ENTPD2: variants seen among roughly 807,000 people sequenced by gnomAD.
ENTPD2 encodes the protein ectonucleoside triphosphate diphosphohydrolase 2, also known as CD39 antigen-like 1.
Under a neutral mutation model 46.8 loss-of-function variants are expected in ENTPD2, and 48 were observed. The observed-to-expected ratio is 1.03, with a 90% CI of 0.81 to 1.30. The LOEUF is 1.30. ENTPD2 is among the 50% of genes most tolerant of loss of function. The probability of loss-of-function intolerance (pLI) is 0.00; values close to 1 mark genes in which losing one functional copy is unlikely to be tolerated. For missense variants in ENTPD2, 707 were observed against 651.1 expected, an observed-to-expected ratio of 1.09 and a Z score of -0.93; for synonymous variants, 316 against 286.1, an observed-to-expected ratio of 1.10 and a Z score of -1.06.
chr9:137,053,875 G>T lies in ENTPD2; in HGVS notation c.117+6C>A. The T allele has an allele frequency of 8.2e-7, 1 of 1,223,824 alleles. No homozygotes were observed. Among genetic ancestry groups the T allele is most frequent in the Non-Finnish European group, 1.0e-6 (1 of 982,258 alleles). The allele number at this position is 1,223,824 out of a possible 1,614,324, so 75.8% of individuals were successfully genotyped here. A position where few individuals can be genotyped will look rare whatever the true frequency, so the allele number is the denominator to read the frequency against. ...CCAGACGTGCGCTGGGTGCCCGGGC[G>T]CGCACCTTGAGGGCGGGCGGCTCCC... On this transcript the variant is annotated splice_donor_region_variant and intron_variant, in intron 1 of 8. Coordinates refer to ENST00000355097, the MANE Select transcript of ENTPD2 (RefSeq NM_203468.3).
Position 137,051,290 on chromosome 9 carries a change from C to T in ENTPD2, c.467G>A (p.Gly156Asp), listed in dbSNP as rs767588454. ...TTCCTGGCCCGAGAGGATGCGTGCA[C>T]CCCGGAAGTCAAAGGGGTACTGGGT... ...TLTQYPFDFR[G>D]ARILSGQEEG... is the part of the protein sequence containing the mutation. The change falls in exon 4 of 9, where the codon GGT becomes GAT. Residue 156 changes from glycine (G) to aspartate (D), a missense_variant. Gly to Asp is a moderately conservative substitution (Grantham distance 94). Transcript: ENST00000355097. 5 of 1,610,010 alleles carry T rather than the reference C, an allele frequency of 3.1e-6. No homozygotes were observed. The highest frequency in any genetic ancestry group is 4.2e-6 in the Non-Finnish European group (5 of 1,178,210).
At chr9:137,049,711 G>T (rs1203814089) in intron 7 of ENTPD2, 159 bp downstream of exon 7, 8 of 825,436 alleles carry the variant, frequency 9.7e-6, no homozygotes, top group African/African-American at 3.5e-5. Flanking sequence ...ACAGCCTACC[G>T]GCCACAGCCA....
At chr9:137,052,446 C>CA in intron 1 of ENTPD2, 98 bp from the exon 2 acceptor site, 1 of 877,118 alleles carries the variant, frequency 1.1e-6, no homozygotes, top group Admixed American at 2.3e-5. Flanking sequence ...GCCACCGCTC[C>CA]CCCCCCCACC....
rs770836776 is a variant in ENTPD2 at position 137,050,861 on chromosome 9, A to T, written c.774+41T>A. On this transcript the variant is annotated intron_variant, in intron 5 of 8. Coordinates refer to ENST00000355097, the MANE Select transcript of ENTPD2 (RefSeq NM_203468.3). ...GTGGCTGTCCAGGCTCTGCTCCAGG[A>T]GGGAACAGTGCAGTGCAGGTGAGCC... is the stretch of plus-strand genomic sequence containing the variant. 11 of 1,586,078 alleles carry T rather than the reference A, an allele frequency of 6.9e-6. No homozygotes were observed. The Admixed American group carries it at 1.7e-4, about 24-fold the overall frequency.
At chr9:137,049,248 C>G (rs1404456170) in intron 7 of ENTPD2, 173 bp from the exon 8 acceptor site, 1 of 1,136,452 alleles carries the variant, frequency 8.8e-7, no homozygotes, top group Admixed American at 2.0e-5. Context: ...CCGAGGGGCA[C>G]CCCCGGCAGG....
At chr9:137,052,080 C>T in intron 2 of ENTPD2, 151 bp downstream of exon 2, 2 of 717,426 alleles carry the variant, frequency 2.8e-6, no homozygotes, top group Admixed American at 2.4e-5. Flanking sequence ...CACTCAGGCG[C>T]AGGGGCACCA....
rs552499259 is a variant in ENTPD2 at position 137,048,749 on chromosome 9, C to T, written c.1396G>A (p.Val466Ile). The T allele has an allele frequency of 3.2e-5, 51 of 1,603,560 alleles. No individual in the cohort carries two copies. In the East Asian group the frequency reaches 1.1e-3, roughly 34 times the overall value. The change falls in exon 9 of 9, where the codon GTC becomes ATC. Residue 466 changes from valine (V) to isoleucine (I), a missense_variant. Physicochemically the swap from Val to Ile is conservative, Grantham distance 29. Transcript: ENST00000355097. ...RKGTDFSSWV[V>I]LLLLFASALL... is the part of the protein sequence containing the mutation. ...GCGGAGGCGAAGAGCAGCAGGAGGA[C>T]GACCCAGGAGCTGAAGTCTGTGCCC...
intron 5 of ENTPD2, among the ~76,000 whole-genome samples, 177 bp from the exon 6 acceptor site, chr9:137,050,715 C>A (rs912478743): frequency 2.0e-5 from 3 of 152,206 alleles, no homozygotes; most frequent in African/African-American, 7.2e-5. Flanking sequence ...CTCTGAGAGC[C>A]GTCCCTGGCC....
chr9:137,052,408 C>A, intron 1 of ENTPD2, 60 bp from the exon 2 acceptor site: 2 of 1,354,752 alleles, frequency 1.5e-6, no homozygotes, highest in African/African-American at 1.5e-5. Flanking sequence ...ACCCTGACAC[C>A]AAACGTGAAG....
At chr9:137,050,243 C>CT (rs1832241671) in intron 6 of ENTPD2, 41 bp downstream of exon 6, 1 of 1,549,376 alleles carries the variant, frequency 6.5e-7, no homozygotes, top group African/African-American at 1.4e-5. Flanking sequence ...CCTGTCCCTA[C>CT]CCACGACAAA....
At position 137,053,965 on chromosome 9, in the gene ENTPD2, C is replaced by CGGCGGCAGCAGT. The variant is rs1564255439; in HGVS notation, c.21_32dup (p.Pro10_Leu13dup). On this transcript the variant is annotated inframe_insertion, in exon 1 of 9. Coordinates refer to ENST00000355097, the MANE Select transcript of ENTPD2 (RefSeq NM_203468.3). ...CGAGGCCCGCGGCGGCCAGCAGCAG[C>CGGCGGCAGCAGT]GGCGGCAGCAGTGACCGCACCTTCC... 2.5e-6 allele frequency: 3 copies of CGGCGGCAGCAGT among 1,222,290 alleles called. No individual in the cohort carries two copies. The highest frequency in any genetic ancestry group is 3.2e-5 in the East Asian group (1 of 30,838). The allele number at this position is 1,222,290 out of a possible 1,614,324, so 75.7% of individuals were successfully genotyped here.
chr9:137,050,459 G>A lies in ENTPD2; in HGVS notation c.854C>T (p.Thr285Ile), dbSNP rs267602176. 2 of 1,612,914 alleles carry A rather than the reference G, an allele frequency of 1.2e-6. No individual in the cohort carries two copies. Among genetic ancestry groups the A allele is most frequent in the Non-Finnish European group, 8.5e-7 (1 of 1,180,016 alleles). Reference sequence around the variant, plus strand: ...GAAGTTCTGGGGCCGCTGGGCCATGGTGCATGGTGACTGGTACACATCCCC... The same window carrying A: ...GAAGTTCTGGGGCCGCTGGGCCATGATGCATGGTGACTGGTACACATCCCC... ...LLGDVYQSPCTMAQRPQNFNS... is the reference protein window; with the variant it reads ...LLGDVYQSPCIMAQRPQNFNS... Residue 285 changes from threonine (T) to isoleucine (I), a missense_variant, in exon 6 of 9, where the codon ACC (threonine) becomes ATC (isoleucine). By Grantham distance (89) the Thr-to-Ile change is moderately conservative. Coordinates refer to ENST00000355097, the MANE Select transcript of ENTPD2 (RefSeq NM_203468.3).
chr9:137,052,787 C>T (rs564939828), intron 1 of ENTPD2: 1 of 153,678 alleles, frequency 6.5e-6, no homozygotes, highest in African/African-American at 2.4e-5. Flanking sequence ...CCTTCCAGCT[C>T]CTCTGACGGC....
chr9:137,053,785 G>C, intron 1 of ENTPD2, 96 bp downstream of exon 1: 1 of 831,580 alleles, frequency 1.2e-6, no homozygotes, highest in Non-Finnish European at 1.6e-6. Flanking sequence ...TGGGGGTCCC[G>C]GGCTGATCCT....
In ENTPD2 at chr9:137,053,950, G is replaced by A; in HGVS notation, c.48C>T (p.Ala16=). Residue 16 remains alanine (A), a synonymous_variant, in exon 1 of 9, where the codon GCC becomes GCT. Transcript: ENST00000355097. The part of the protein sequence containing the change: ...RSLLPPLLLA[A]AGLAGLLLLC... Reference sequence around the variant, plus strand: ...GCAGTAGGAGGCCGGCGAGGCCCGCGGCGGCCAGCAGCAGCGGCGGCAGCA... The same window carrying A: ...GCAGTAGGAGGCCGGCGAGGCCCGCAGCGGCCAGCAGCAGCGGCGGCAGCA... 8.2e-7 allele frequency: 1 copy of A among 1,224,794 alleles called. No homozygotes were observed. The highest frequency in any genetic ancestry group is 1.0e-6 in the Non-Finnish European group (1 of 983,656). 75.9% of individuals were successfully genotyped at this position (1,224,794 alleles called of 1,614,324 possible). A position where few individuals can be genotyped will look rare whatever the true frequency, so the allele number is the denominator to read the frequency against.
Position 137,048,414 on chromosome 9 carries a change from T to C in ENTPD2, c.*243A>G. ...TCAGTTCCTATTTCCTGGGCTGCCT[T>C]AGGGGCAGAGACGCTGAGGGTGGGG... On this transcript the variant is annotated 3_prime_UTR_variant, in exon 9 of 9. Coordinates refer to ENST00000355097, the MANE Select transcript of ENTPD2 (RefSeq NM_203468.3). 1 of 439,426 alleles carries C rather than the reference T, an allele frequency of 2.3e-6. No individual in the cohort carries two copies. Among genetic ancestry groups the C allele is most frequent in the South Asian group, 2.7e-5 (1 of 36,558 alleles). The allele number at this position is 439,426 out of a possible 1,614,324, so 27.2% of individuals were successfully genotyped here.
rs1554744882 is a variant in ENTPD2, at chr9:137,050,300, A to ACCCGCCTCTC, written c.1012_1013insGAGAGGCGGG (p.Val338GlyfsTer304). On this transcript the variant is annotated frameshift_variant, in exon 6 of 9. Transcript: ENST00000355097. LOFTEE classifies it high-confidence loss of function. ...CCTACTCACCACAAAGTTCCCAGCC[A>ACCCGCCTCTC]CTGGGGGCTGGAAGACCCCATTGAA... is the stretch of plus-strand genomic sequence containing the variant. 6.3e-7 allele frequency: 1 copy of ACCCGCCTCTC among 1,596,870 alleles called. No individual in the cohort carries two copies. The highest frequency in any genetic ancestry group is 1.3e-5 in the African/African-American group (1 of 74,408).
Position 137,049,184 on chromosome 9 carries a change from C to G in ENTPD2, c.1150-109G>C, listed in dbSNP as rs938725160. 2.0e-6 allele frequency: 3 copies of G among 1,509,176 alleles called. No homozygotes were observed. The African/African-American group carries it at 4.1e-5, about 21-fold the overall frequency. 93.5% of individuals were successfully genotyped at this position (1,509,176 alleles called of 1,614,324 possible). A position where few individuals can be genotyped will look rare whatever the true frequency, so the allele number is the denominator to read the frequency against. On this transcript the variant is annotated intron_variant, in intron 7 of 8. Coordinates refer to ENST00000355097, the MANE Select transcript of ENTPD2 (RefSeq NM_203468.3). ...CACCCCTCCCCAGACACACACGGGCCGTGCGAGGCCAGAGACCACCACACA... is the reference window on the plus strand; with the variant it reads ...CACCCCTCCCCAGACACACACGGGCGGTGCGAGGCCAGAGACCACCACACA...
chr9:137,051,174 C>T (rs1422287181), intron 4 of ENTPD2, 37 bp downstream of exon 4: 2 of 1,611,682 alleles, frequency 1.2e-6, no homozygotes, highest in South Asian at 2.2e-5. Flanking sequence ...CGAGGGCGCC[C>T]ACGCCCCCTG....
Sources: gnomAD v4.1 joint callset for allele counts (sites outside exome capture counted in the v4.1 genomes callset) on GRCh38, gnomAD v4.1.1 for gene constraint, MANE v1.5 for transcripts, NCBI Gene and HGNC (gene_info 2026-07-23, HGNC 2026-07-21) for gene names.